SLC35H1: variants seen among roughly 807,000 people sequenced by gnomAD.
SLC35H1 encodes ovarian cancer-overexpressed gene 1 protein.
chr20:46,356,418 C>T, the SLC35H1 span, among the ~76,000 whole-genome samples: 277 of 152,290 alleles, frequency 1.8e-3, no homozygotes, highest in African/African-American at 6.1e-3. Context: ...GGCGACTTCC[C>T]GGAGAGCTGC....
the SLC35H1 span, chr20:46,359,045 T>G: frequency 2.3e-6 from 1 of 426,644 alleles, no homozygotes; most frequent in Non-Finnish European, 4.4e-6. Context: ...ACCAGCACCC[T>G]TCTTTCGGCT....
At chr20:46,358,723 C>T in the SLC35H1 span, 2 of 1,550,320 alleles carry the variant, frequency 1.3e-6, no homozygotes, top group Non-Finnish European at 1.7e-6. Flanking sequence ...TGACCCTTCC[C>T]ATGGTTAATT....
At chr20:46,356,467 C>T in the SLC35H1 span, 1 of 1,122,192 alleles carries the variant, frequency 8.9e-7, no homozygotes, top group South Asian at 1.3e-5. Flanking sequence ...AGGGCTGGTC[C>T]CAGAGTGGTG....
chr20:46,349,425 C>T, the SLC35H1 span: 15 of 152,376 alleles, frequency 9.8e-5, no homozygotes, highest in Admixed American at 6.5e-4. Context: ...ACGTGCAGCA[C>T]GTGCACACAC....
At chr20:46,351,042 A>C in the SLC35H1 span, 3 of 1,010,686 alleles carry the variant, frequency 3.0e-6, no homozygotes, top group Admixed American at 2.7e-5. Flanking sequence ...AGGTCAGGGG[A>C]CCCGGCCGGC....
chr20:46,350,408 G>A, the SLC35H1 span: 2 of 1,612,100 alleles, frequency 1.2e-6, no homozygotes, highest in Non-Finnish European at 1.7e-6. Flanking sequence ...TGCTGCCCCT[G>A]GGCCACAAAG....
At chr20:46,358,383 G>T in the SLC35H1 span, 11 of 1,613,660 alleles carry the variant, frequency 6.8e-6, no homozygotes, top group Admixed American at 1.0e-4. Context: ...AGGCCTCCTG[G>T]TACCTTTGTC....
At chr20:46,360,734 G>A in the SLC35H1 span, among the ~76,000 whole-genome samples, 1 of 152,104 alleles carries the variant, frequency 6.6e-6, no homozygotes, top group Non-Finnish European at 1.5e-5. Flanking sequence ...ATTTTTAGTA[G>A]AGATGGGGTT....
the SLC35H1 span, among the ~76,000 whole-genome samples, chr20:46,356,285 G>C: frequency 6.6e-6 from 1 of 152,250 alleles, no homozygotes; most frequent in Non-Finnish European, 1.5e-5. Context: ...CCACCTGTCT[G>C]TGGCCTTGCA....
chr20:46,348,284 G>C, the SLC35H1 span: 5 of 152,198 alleles, frequency 3.3e-5, no homozygotes, highest in Non-Finnish European at 7.3e-5. Context: ...TCTGCACCTT[G>C]TAATTACTGC....
At chr20:46,350,217 G>C in the SLC35H1 span, 1 of 645,426 alleles carries the variant, frequency 1.5e-6, no homozygotes, top group Non-Finnish European at 2.5e-6. Context: ...CTCGCCCCTT[G>C]TGTGACCAGG....
the SLC35H1 span, among the ~76,000 whole-genome samples, chr20:46,356,089 C>T: frequency 1.3e-5 from 2 of 152,294 alleles, no homozygotes; most frequent in East Asian, 3.9e-4. Context: ...GTTGAGCTCC[C>T]TGAGTCCTGT....
chr20:46,359,900 A>T, the SLC35H1 span, among the ~76,000 whole-genome samples: 859 of 152,304 alleles, frequency 5.6e-3, 6 homozygotes, highest in African/African-American at 0.019. Flanking sequence ...GTTACATTCC[A>T]TTCTGCACTC....
At chr20:46,350,803 C>T in the SLC35H1 span, 1 of 1,614,104 alleles carries the variant, frequency 6.2e-7, no homozygotes, top group South Asian at 1.1e-5. Context: ...AGGGATATTC[C>T]CGAGAGGCAG....
At chr20:46,346,435 A>G in the SLC35H1 span, 1 of 152,132 alleles carries the variant, frequency 6.6e-6, no homozygotes, top group Non-Finnish European at 1.5e-5. Context: ...TTTGGAAGTT[A>G]GAACCTGTAA....
the SLC35H1 span, among the ~76,000 whole-genome samples, chr20:46,354,143 G>C: frequency 2.0e-5 from 3 of 152,136 alleles, no homozygotes; most frequent in Non-Finnish European, 4.4e-5. Context: ...CGACAGTGGA[G>C]GAACAACTGA....
chr20:46,348,559 C>T, the SLC35H1 span: 2 of 152,252 alleles, frequency 1.3e-5, no homozygotes, highest in South Asian at 2.1e-4. Flanking sequence ...GTGCAGGAGC[C>T]AGATAAGAGG....
At chr20:46,354,444 G>A in the SLC35H1 span, among the ~76,000 whole-genome samples, 1 of 152,204 alleles carries the variant, frequency 6.6e-6, no homozygotes, top group South Asian at 2.1e-4. Flanking sequence ...GCAAGATAGG[G>A]TGGTTAAGAG....
At chr20:46,362,870 G>A in the SLC35H1 span, among the ~76,000 whole-genome samples, 1 of 152,234 alleles carries the variant, frequency 6.6e-6, no homozygotes, top group African/African-American at 2.4e-5. Flanking sequence ...GGGTTCAAGT[G>A]ATTCTCCCGC....
Sources: allele counts gnomAD v4.1 joint callset (sites outside exome capture counted in the v4.1 genomes callset), GRCh38; gene constraint gnomAD v4.1.1; transcripts MANE v1.5; gene names NCBI Gene and HGNC (gene_info 2026-07-23, HGNC 2026-07-21).